Variants in CSMD1 observed in about 807,000 individuals in gnomAD.
CSMD1 encodes the protein CUB and Sushi multiple domains 1.
CSMD1 carries 213 observed loss-of-function variants against 417.5 expected under a neutral mutation model. The ratio of observed to expected loss-of-function variants is 0.51; its 90% CI spans 0.46 to 0.57. The LOEUF is 0.57. Among genes scored for constraint, CSMD1 ranks in the 20% least tolerant of loss-of-function variants. The probability of loss-of-function intolerance (pLI) is 0.00; values close to 1 mark genes in which losing one functional copy is unlikely to be tolerated. For synonymous variants in CSMD1, 2,862 were observed against 1,736.8 expected (o/e 1.65, Z -16.11); for missense variants, 6,923 against 4,529.7 (o/e 1.53, Z -15.17).
rs780716801 is a variant in CSMD1, at chr8:3,142,657, G to A, written c.6049C>T (p.Leu2017=). The change falls in exon 41 of 70, where the codon CTG becomes TTG. Residue 2017 remains leucine (L), a synonymous_variant. Transcript: ENST00000635120. ...TGATTAGCTTCGGTAGAAAAATTCA[G>A]AAACTGAATATGTGCACCTATGGAA... The part of the protein sequence containing the change: ...PIGYGAHIQF[L]NFSTEANHDF... 1.9e-6 allele frequency: 3 copies of A among 1,613,352 alleles called. No homozygotes were observed. Among genetic ancestry groups the A allele is most frequent in the Non-Finnish European group, 8.5e-7 (1 of 1,179,314 alleles).
intron 5 of CSMD1, among the ~76,000 whole-genome samples, chr8:3,953,024 G>A (rs2740859): frequency 0.75 from 114,371 of 151,968 alleles, 43,566 homozygotes; most frequent in African/African-American, 0.87. Flanking sequence ...ACATGAGAAG[G>A]TTTACTAAAG....
At chr8:4,374,578 A>G (rs142872350) in intron 3 of CSMD1, among the ~76,000 whole-genome samples, 1 of 152,138 alleles carries the variant, frequency 6.6e-6, no homozygotes, top group Non-Finnish European at 1.5e-5. Context: ...GGAATGAGCC[A>G]TGGGAAGACA....
intron 5 of CSMD1, among the ~76,000 whole-genome samples, chr8:3,762,573 C>A (rs754165520): frequency 6.6e-6 from 1 of 152,238 alleles, no homozygotes; most frequent in Non-Finnish European, 1.5e-5. Context: ...TTTGGTATCA[C>A]AGCCATGTAG....
At chr8:4,283,922 C>G (rs913692887) in intron 3 of CSMD1, among the ~76,000 whole-genome samples, 2 of 152,140 alleles carry the variant, frequency 1.3e-5, no homozygotes, top group Non-Finnish European at 2.9e-5. Context: ...GTTTGCAAAT[C>G]TGGACACACC....
intron 2 of CSMD1, among the ~76,000 whole-genome samples, chr8:4,450,255 G>C (rs1244314597): frequency 6.6e-6 from 1 of 152,210 alleles, no homozygotes; most frequent in Non-Finnish European, 1.5e-5. Flanking sequence ...GACAGTGTCT[G>C]ATCTTCAGGA....
At chr8:3,473,408 T>G (rs894723605) in intron 11 of CSMD1, among the ~76,000 whole-genome samples, 1 of 152,204 alleles carries the variant, frequency 6.6e-6, no homozygotes, top group Non-Finnish European at 1.5e-5. Context: ...CTTACAAAAA[T>G]TTCATACAGT....
chr8:4,645,440 G>A (rs1041049457), intron 1 of CSMD1, among the ~76,000 whole-genome samples: 9 of 21,646 alleles, frequency 4.2e-4, no homozygotes, highest in African/African-American at 1.1e-3. Flanking sequence ...GTGTAGTGCA[G>A]GGGCAAAAAA....
chr8:3,693,761 GT>G (rs1800383876), intron 7 of CSMD1, among the ~76,000 whole-genome samples: 1 of 151,844 alleles, frequency 6.6e-6, no homozygotes, highest in African/African-American at 2.4e-5. Context: ...TTGTATGTGT[GT>G]TTTGTGTGTA....
chr8:3,794,459 C>A (rs550642081), intron 5 of CSMD1, among the ~76,000 whole-genome samples: 11 of 152,000 alleles, frequency 7.2e-5, no homozygotes, highest in African/African-American at 2.7e-4. Flanking sequence ...ACTTATAAAC[C>A]AATTAAATCA....
intron 2 of CSMD1, among the ~76,000 whole-genome samples, chr8:4,457,128 G>C (rs1019751730): frequency 1.3e-5 from 2 of 152,086 alleles, no homozygotes; most frequent in African/African-American, 4.8e-5. Context: ...CTGTGAAAGA[G>C]TTATTCCTAT....
At chr8:3,719,762 T>C (rs1802044222) in intron 6 of CSMD1, among the ~76,000 whole-genome samples, 1 of 152,168 alleles carries the variant, frequency 6.6e-6, no homozygotes, top group Non-Finnish European at 1.5e-5. Context: ...CCATTCCTCC[T>C]GTGTGGAAGG....
intron 3 of CSMD1, among the ~76,000 whole-genome samples, chr8:4,329,586 C>T (rs1415583737): frequency 1.3e-5 from 2 of 152,012 alleles, no homozygotes; most frequent in Non-Finnish European, 2.9e-5. Context: ...CCGCACGTTG[C>T]CAAAAAATAC....
At chr8:4,080,538 C>T (rs1018336543) in intron 3 of CSMD1, among the ~76,000 whole-genome samples, 2 of 152,138 alleles carry the variant, frequency 1.3e-5, no homozygotes, top group Non-Finnish European at 2.9e-5. Context: ...TCTTGTCCAA[C>T]ACATAGGTTT....
intron 3 of CSMD1, among the ~76,000 whole-genome samples, chr8:4,156,228 G>A (rs916316000): frequency 6.6e-6 from 1 of 152,148 alleles, no homozygotes; most frequent in African/African-American, 2.4e-5. Flanking sequence ...CCTTGGGGTG[G>A]TAGCAAAATC....
rs1479738226 is a variant in CSMD1 at position 3,997,960 on chromosome 8, T to C, written c.761A>G (p.Gln254Arg). The change falls in exon 5 of 70, where the codon CAG becomes CGG. Residue 254 changes from glutamine to arginine, a missense_variant. By Grantham distance (43) the Gln-to-Arg change is conservative (BLOSUM62 1). Transcript: ENST00000635120. ...TAAGAAATCATATCCTTCTTCTAGC[T>C]GAAAGTCAGTGAAGACCAGCGCAAT... Reference protein sequence around the residue: ...DTIALVFTDFQLEEGYDFLEI... With the variant: ...DTIALVFTDFRLEEGYDFLEI... 1.2e-6 allele frequency: 2 copies of C among 1,611,616 alleles called. No individual in the cohort carries two copies. Among genetic ancestry groups the C allele is most frequent in the Non-Finnish European group, 1.7e-6 (2 of 1,178,934 alleles).
chr8:3,668,978 G>C (rs540434851), intron 7 of CSMD1, among the ~76,000 whole-genome samples: 1 of 152,248 alleles, frequency 6.6e-6, no homozygotes, highest in African/African-American at 2.4e-5. Context: ...TGAGCAACCA[G>C]GTTAGCCTGT....
chr8:3,641,784 G>A (rs949355530), intron 7 of CSMD1, among the ~76,000 whole-genome samples: 5 of 152,120 alleles, frequency 3.3e-5, no homozygotes, highest in Non-Finnish European at 2.9e-5. Flanking sequence ...ACTACCTCCT[G>A]GTTCTCAAAA....
intron 3 of CSMD1, among the ~76,000 whole-genome samples, chr8:4,197,708 G>C (rs1035033736): frequency 2.6e-5 from 4 of 152,110 alleles, no homozygotes; most frequent in Admixed American, 2.0e-4. Context: ...GTGAAGCTCT[G>C]TCTCTACTAA....
At chr8:4,069,056 T>G (rs1474969712) in intron 3 of CSMD1, among the ~76,000 whole-genome samples, 1 of 152,232 alleles carries the variant, frequency 6.6e-6, no homozygotes, top group Non-Finnish European at 1.5e-5. Flanking sequence ...CTATAGACTA[T>G]TTACTCCTTC....
Sources: gnomAD v4.1 joint callset for allele counts (sites outside exome capture counted in the v4.1 genomes callset) on GRCh38, gnomAD v4.1.1 for gene constraint, MANE v1.5 for transcripts, NCBI Gene and HGNC (gene_info 2026-07-23, HGNC 2026-07-21) for gene names.